The following VIPR1 variants were observed in gnomAD, a reference collection of about 807,000 sequenced individuals.
VIPR1 encodes the protein vasoactive intestinal polypeptide receptor 1.
A neutral mutation model predicts 58.8 loss-of-function variants in VIPR1; 59 were observed. The ratio of observed to expected loss-of-function variants is 1.00; its 90% CI spans 0.81 to 1.25. The LOEUF (loss-of-function observed/expected upper bound fraction) is 1.25. VIPR1 is among the 50% of genes most tolerant of loss of function. VIPR1 has a pLI of 0.00. For synonymous variants in VIPR1, 251 were observed against 242.1 expected, an observed-to-expected ratio of 1.04 and a Z score of -0.34; for missense variants, 626 against 602.7, an observed-to-expected ratio of 1.04 and a Z score of -0.40.
upstream of VIPR1, among the ~76,000 whole-genome samples, chr3:42,499,302 C>T (rs978654472): frequency 3.9e-5 from 6 of 152,194 alleles, no homozygotes; most frequent in African/African-American, 1.4e-4. Context: ...GCCTTGAAGG[C>T]AGTGAGTGCA....
chr3:42,536,225 G>C lies in VIPR1; in HGVS notation c.1318G>C (p.Val440Leu), dbSNP rs1367894199. Reference protein sequence around the residue: ...CSTQVSMLTRVSPGARRSSSF... With the variant: ...CSTQVSMLTRLSPGARRSSSF... ...CACGCAGGTTTCCATGCTGACCCGC[G>C]TCAGCCCAGGTGCCCGCCGCTCCTC... Residue 440 changes from valine (V) to leucine (L), a missense_variant, in exon 13 of 13, where the codon GTC becomes CTC. Physicochemically the swap from Val to Leu is conservative, Grantham distance 32. Transcript: ENST00000325123. The C allele has an allele frequency of 1.3e-6, 2 of 1,580,864 alleles. No homozygotes were observed. Among genetic ancestry groups the C allele is most frequent in the Non-Finnish European group, 1.7e-6 (2 of 1,166,444 alleles).
intron 1 of VIPR1, among the ~76,000 whole-genome samples, chr3:42,504,716 T>C (rs1265011068): frequency 8.8e-6 from 1 of 113,390 alleles, no homozygotes; most frequent in Non-Finnish European, 1.7e-5. Context: ...CGCTCCCTCA[T>C]GGAATGGGGC....
intron 12 of VIPR1, 63 bp downstream of exon 12, chr3:42,535,447 A>G: frequency 6.4e-7 from 1 of 1,559,996 alleles, no homozygotes; most frequent in Non-Finnish European, 8.8e-7. Context: ...GTCCGGAAAC[A>G]TTGGTGGGAT....
chr3:42,527,006 G>A (rs1701268580), intron 4 of VIPR1, among the ~76,000 whole-genome samples: 1 of 152,148 alleles, frequency 6.6e-6, no homozygotes, highest in Non-Finnish European at 1.5e-5. Context: ...GGTGTCTGAA[G>A]GGCAAGCAGA....
At chr3:42,508,464 G>A (rs886600361) in intron 1 of VIPR1, among the ~76,000 whole-genome samples, 4 of 152,050 alleles carry the variant, frequency 2.6e-5, no homozygotes, top group African/African-American at 9.7e-5. Flanking sequence ...TGCTGCGCTG[G>A]GACTTTAGAT....
intron 3 of VIPR1, among the ~76,000 whole-genome samples, chr3:42,525,552 G>A (rs922782177): frequency 6.6e-6 from 1 of 152,154 alleles, no homozygotes; most frequent in African/African-American, 2.4e-5. Flanking sequence ...TCACGGCAAG[G>A]GTCAGGAATC....
At chr3:42,507,282 G>C (rs983849313) in intron 1 of VIPR1, 6 of 152,240 alleles carry the variant, frequency 3.9e-5, no homozygotes, top group Admixed American at 1.3e-4. Context: ...TGTCTGACGG[G>C]ACTGTCCAGC....
At chr3:42,515,035 G>A (rs1700555245) in intron 2 of VIPR1, among the ~76,000 whole-genome samples, 1 of 152,186 alleles carries the variant, frequency 6.6e-6, no homozygotes, top group Non-Finnish European at 1.5e-5. Flanking sequence ...TGGCATGTCT[G>A]GGCTGGAGGC....
chr3:42,498,019 C>G (rs1699799623), upstream of VIPR1, among the ~76,000 whole-genome samples: 1 of 152,212 alleles, frequency 6.6e-6, no homozygotes, highest in Non-Finnish European at 1.5e-5. Flanking sequence ...GGTTTTTCCT[C>G]TCTGCCCAGA....
At chr3:42,495,183 A>G (rs529174899) in intron 1 of VIPR1, among the ~76,000 whole-genome samples, 2 of 152,036 alleles carry the variant, frequency 1.3e-5, no homozygotes, top group Non-Finnish European at 2.9e-5. Flanking sequence ...GTGCAGTGGC[A>G]TGATCTCGGC....
chr3:42,513,063 C>A, intron 1 of VIPR1: 1 of 753,942 alleles, frequency 1.3e-6, no homozygotes, highest in Non-Finnish European at 1.6e-6. Context: ...CTTCCAGAAG[C>A]AGGGGAGGCC....
At position 42,536,333 on chromosome 3, in the gene VIPR1, C is replaced by G; in HGVS notation, c.*52C>G. The G allele has an allele frequency of 1.4e-6, 2 of 1,464,848 alleles. No homozygotes were observed. The highest frequency in any genetic ancestry group is 1.8e-6 in the Non-Finnish European group (2 of 1,114,444). The allele number at this position is 1,464,848 out of a possible 1,614,324, so 90.7% of individuals were successfully genotyped here. On this transcript the variant is annotated 3_prime_UTR_variant, in exon 13 of 13. Coordinates refer to ENST00000325123, the MANE Select transcript of VIPR1 (RefSeq NM_004624.4). ...GGCCCCTCCCGCCCCTTCCCACTCA[C>G]CCCGGCAGACGCCGGGGACAGAGGC...
rs900198347 is a variant in VIPR1, at chr3:42,530,909, G to T, written c.767G>T (p.Trp256Leu). The change falls in exon 7 of 13, where the codon TGG becomes TTG. Residue 256 changes from tryptophan (W) to leucine (L), a missense_variant. Transcript: ENST00000325123. ...TTCTTCTCTGAGCGGAAGTACTTCT[G>T]GGGGTACATACTCATCGGCTGGGGT... ...VSFFSERKYF[W>L]GYILIGWGVP... 23 of 1,613,914 alleles carry T rather than the reference G, an allele frequency of 1.4e-5. No individual in the cohort carries two copies. Among genetic ancestry groups the T allele is most frequent in the Non-Finnish European group, 1.8e-5 (21 of 1,179,952 alleles).
intron 2 of VIPR1, among the ~76,000 whole-genome samples, chr3:42,517,338 G>C (rs1700683537): frequency 6.6e-6 from 1 of 152,240 alleles, no homozygotes; most frequent in African/African-American, 2.4e-5. Context: ...GCTTGGCCCA[G>C]CTGGCGTTGA....
intron 3 of VIPR1, among the ~76,000 whole-genome samples, chr3:42,522,424 G>T (rs1410921288): frequency 1.3e-5 from 2 of 152,028 alleles, no homozygotes; most frequent in African/African-American, 4.8e-5. Flanking sequence ...TCAAATATTT[G>T]AAAAGATTTG....
intron 2 of VIPR1, among the ~76,000 whole-genome samples, chr3:42,514,574 T>C (rs11719334): frequency 0.17 from 22,470 of 130,002 alleles, 1,871 homozygotes; most frequent in East Asian, 0.38. Context: ...CACACACACA[T>C]ACACACACGC....
chr3:42,516,633 G>T (rs1700641329), intron 2 of VIPR1: 1 of 152,108 alleles, frequency 6.6e-6, no homozygotes, highest in East Asian at 1.9e-4. Context: ...CCAAAGTCTG[G>T]CAGGGACTCA....
Position 42,519,261 on chromosome 3 carries a change from G to A in VIPR1, c.223G>A (p.Ala75Thr), listed in dbSNP as rs773550448. ...GTGGGACAACCTCACCTGCTGGCCA[G>A]CCACCCCTCGGGGCCAGGTAGTTGT... The part of the protein sequence containing the change: ...KMWDNLTCWP[A>T]TPRGQVVVLA... Residue 75 changes from alanine (A) to threonine (T), a missense_variant, in exon 3 of 13, where the codon GCC becomes ACC. Physicochemically the swap from Ala to Thr is moderately conservative, Grantham distance 58 (BLOSUM62 0). Transcript: ENST00000325123. 1.9e-6 allele frequency: 3 copies of A among 1,610,900 alleles called. No homozygotes were observed. The highest frequency in any genetic ancestry group is 2.5e-6 in the Non-Finnish European group (3 of 1,178,626).
At position 42,503,735 on chromosome 3, in the gene VIPR1, C is replaced by A. The variant is rs372122746; in HGVS notation, c.78+922C>A. On this transcript the variant is annotated intron_variant, in intron 1 of 12. Transcript: ENST00000325123. ...ATGGGCAAAGCGAGGTCCAGAGACACAAGAGCCACATCTGTCTCCCACCAG... is the reference window on the plus strand; with the variant it reads ...ATGGGCAAAGCGAGGTCCAGAGACAAAAGAGCCACATCTGTCTCCCACCAG... 2.9e-4 allele frequency among the ~76,000 whole-genome samples: 44 copies of A among 152,302 alleles called. No individual in the cohort carries two copies. In the East Asian group the frequency reaches 7.7e-3, roughly 27 times the overall value.
Sources: allele counts gnomAD v4.1 joint callset (sites outside exome capture counted in the v4.1 genomes callset), GRCh38; gene constraint gnomAD v4.1.1; transcripts MANE v1.5; gene names NCBI Gene and HGNC (gene_info 2026-07-23, HGNC 2026-07-21).